NRG3: variants seen among roughly 807,000 people sequenced by gnomAD.
The protein encoded by NRG3 is neuregulin 3.
Under a neutral mutation model 66.9 loss-of-function variants are expected in NRG3, and 31 were observed. The observed-to-expected ratio is 0.46, with a 90% confidence interval of 0.35 to 0.63. The LOEUF (loss-of-function observed/expected upper bound fraction) is 0.63. Among genes scored for constraint, NRG3 ranks in the 20% least tolerant of loss-of-function variants. The pLI is 0.00. For synonymous variants in NRG3, 393 were observed against 359.4 expected (o/e 1.09, Z -1.06); for missense variants, 910 against 878.9 (o/e 1.04, Z -0.45).
At chr10:82,864,103 A>G (rs1202638930) in intron 3 of NRG3, among the ~76,000 whole-genome samples, 1 of 152,128 alleles carries the variant, frequency 6.6e-6, no homozygotes, top group Non-Finnish European at 1.5e-5. Flanking sequence ...AGGAGGGATG[A>G]ATGAGGAATT....
At chr10:82,300,275 T>C (rs2080318052) in intron 1 of NRG3, among the ~76,000 whole-genome samples, 1 of 152,136 alleles carries the variant, frequency 6.6e-6, no homozygotes, top group Non-Finnish European at 1.5e-5. Flanking sequence ...GTTTGAGGAG[T>C]ATGGTGCAAA....
chr10:82,844,183 G>A lies in NRG3; in HGVS notation c.1028-21228G>A, dbSNP rs141533554. Among the ~76,000 whole-genome samples the A allele has an allele frequency of 4.5e-4, 69 of 152,296 alleles. No homozygotes were observed. The East Asian group carries it at 7.9e-3, about 18-fold the overall frequency. On this transcript the variant is annotated intron_variant, in intron 3 of 8. Transcript: ENST00000372141. ...AAAGCTAGCTAGCTAATATGTTCTG[G>A]TGAGTGACTCCTTTTATGGGCCTCG...
intron 1 of NRG3, among the ~76,000 whole-genome samples, chr10:82,297,185 A>T (rs1384327097): frequency 6.6e-6 from 1 of 152,082 alleles, no homozygotes; most frequent in East Asian, 1.9e-4. Context: ...TCCACTGTTG[A>T]TGGATACTTA....
At chr10:82,442,946 T>G (rs1462862501) in intron 2 of NRG3, among the ~76,000 whole-genome samples, 1 of 151,974 alleles carries the variant, frequency 6.6e-6, no homozygotes, top group South Asian at 2.1e-4. Flanking sequence ...GGGCTCAGTA[T>G]GTGTCTTTCC....
At chr10:82,137,540 GT>G (rs2069460683) in intron 1 of NRG3, among the ~76,000 whole-genome samples, 1 of 152,160 alleles carries the variant, frequency 6.6e-6, no homozygotes, top group African/African-American at 2.4e-5. Flanking sequence ...AGAAATTACT[GT>G]TTGGTAGCCT....
intron 1 of NRG3, among the ~76,000 whole-genome samples, chr10:82,296,509 T>G (rs1444230208): frequency 1.3e-5 from 2 of 152,140 alleles, no homozygotes; most frequent in Non-Finnish European, 2.9e-5. Flanking sequence ...TTTGCTTAAT[T>G]GTTAATTTAA....
At chr10:82,458,284 G>C (rs1025102351) in intron 2 of NRG3, among the ~76,000 whole-genome samples, 2 of 152,208 alleles carry the variant, frequency 1.3e-5, no homozygotes, top group African/African-American at 2.4e-5. Flanking sequence ...GAGAGATGTA[G>C]AAACTCTTCT....
chr10:82,912,631 G>A (rs1023265499), intron 4 of NRG3, among the ~76,000 whole-genome samples: 5 of 151,990 alleles, frequency 3.3e-5, no homozygotes, highest in Admixed American at 1.3e-4. Context: ...ATTGGTTTAG[G>A]CTATTTATAT....
chr10:82,574,878 C>A (rs2045943678), intron 2 of NRG3, among the ~76,000 whole-genome samples: 1 of 151,604 alleles, frequency 6.6e-6, no homozygotes, highest in Non-Finnish European at 1.5e-5. Context: ...TTTAAAAAGT[C>A]AAATTCTTAG....
chr10:82,319,511 G>T (rs538684531), intron 1 of NRG3, among the ~76,000 whole-genome samples: 30 of 152,296 alleles, frequency 2.0e-4, no homozygotes, highest in Non-Finnish European at 3.8e-4. Context: ...GCATGGTGTT[G>T]CTTTTCTTCT....
intron 1 of NRG3, among the ~76,000 whole-genome samples, chr10:82,125,513 C>CTGGGA (rs1363836820): frequency 6.6e-6 from 1 of 152,012 alleles, no homozygotes; most frequent in Non-Finnish European, 1.5e-5. Flanking sequence ...TGATAACTAG[C>CTGGGA]TGGGACACCT....
intron 1 of NRG3, among the ~76,000 whole-genome samples, chr10:81,929,172 C>T (rs1270455239): frequency 2.0e-5 from 3 of 151,922 alleles, no homozygotes; most frequent in Non-Finnish European, 4.4e-5. Context: ...GAGTGGCCTA[C>T]GTCATGACAT....
At chr10:82,789,062 C>A (rs1052903563) in intron 3 of NRG3, among the ~76,000 whole-genome samples, 2 of 151,998 alleles carry the variant, frequency 1.3e-5, no homozygotes, top group South Asian at 4.1e-4. Flanking sequence ...GGTCATCTGG[C>A]AACTCCATGT....
intron 1 of NRG3, among the ~76,000 whole-genome samples, chr10:82,090,533 G>T (rs1486845145): frequency 6.6e-6 from 1 of 152,142 alleles, no homozygotes; most frequent in African/African-American, 2.4e-5. Flanking sequence ...TGATTCCATT[G>T]TTTTTTAATG....
chr10:82,072,086 A>G (rs1056775867), intron 1 of NRG3, among the ~76,000 whole-genome samples: 2 of 152,144 alleles, frequency 1.3e-5, no homozygotes, highest in African/African-American at 4.8e-5. Context: ...GTGTGTGTGA[A>G]TAAAGGAAGG....
At chr10:82,501,860 C>T (rs185806976) in intron 2 of NRG3, among the ~76,000 whole-genome samples, 70 of 152,186 alleles carry the variant, frequency 4.6e-4, no homozygotes, top group African/African-American at 1.3e-3. Context: ...TATTTATTTG[C>T]GCATTGTCTC....
intron 2 of NRG3, among the ~76,000 whole-genome samples, chr10:82,561,038 T>C (rs982724438): frequency 9.2e-5 from 14 of 152,152 alleles, no homozygotes; most frequent in Non-Finnish European, 1.6e-4. Context: ...TTTCTTTTAC[T>C]CTCTTTACTG....
At chr10:81,880,869 G>A (rs1243574929) in intron 1 of NRG3, among the ~76,000 whole-genome samples, 2 of 152,062 alleles carry the variant, frequency 1.3e-5, no homozygotes. Context: ...GGACAGAGCT[G>A]GTACTGCGTT....
At position 82,195,079 on chromosome 10, in the gene NRG3, AAGAT is replaced by A. The variant is rs145921624; in HGVS notation, c.824-163657_824-163654del. Among the ~76,000 whole-genome samples, 1,201 of 152,204 alleles carry A rather than the reference AAGAT, an allele frequency of 7.9e-3. 12 individuals carry two copies. The highest frequency in any genetic ancestry group is 0.027 in the African/African-American group (1,140 of 41,528). On this transcript the variant is annotated intron_variant, in intron 1 of 8. Transcript: ENST00000372141. ...CCTTCCTAGATGTAGGTGGAGCAAAAAGATAGTGGCCTCTATTTTTTGGATGTGT... is the reference window on the plus strand; with the variant it reads ...CCTTCCTAGATGTAGGTGGAGCAAAAAGTGGCCTCTATTTTTTGGATGTGT...
Sources: gnomAD v4.1 joint callset for allele counts (sites outside exome capture counted in the v4.1 genomes callset) on GRCh38, gnomAD v4.1.1 for gene constraint, MANE v1.5 for transcripts, NCBI Gene and HGNC (gene_info 2026-07-23, HGNC 2026-07-21) for gene names.